RABEP2: variants seen among roughly 807,000 people sequenced by gnomAD.
RABEP2 encodes rabaptin, RAB GTPase binding effector protein 2, also known as rab GTPase-binding effector protein 2.
In RABEP2, 57 loss-of-function variants were observed where a neutral mutation model predicts 74.1. That is an observed-to-expected ratio of 0.77 (90% CI 0.62 to 0.96). The LOEUF is 0.96. RABEP2 is among the 40% of genes least tolerant of loss of function. The pLI is 0.00. For synonymous variants in RABEP2, 351 were observed against 344.0 expected (o/e 1.02, Z -0.23); for missense variants, 692 against 756.3 (o/e 0.91, Z 1.00).
rs1163826105 is a variant in RABEP2, at chr16:28,913,778, CTTT to C, written c.894+455_894+457del. On this transcript the variant is annotated intron_variant, in intron 5 of 12. Coordinates refer to ENST00000358201, the MANE Select transcript of RABEP2 (RefSeq NM_024816.3). The stretch of plus-strand genomic sequence containing the variant: ...AGGCATGAACCACCGCACCCGGCCT[CTTT>C]TTTTTTTTTTTTTTTTTTGAGACAG... 5.8e-5 allele frequency among the ~76,000 whole-genome samples: 7 copies of C among 120,440 alleles called. No individual in the cohort carries two copies. The South Asian group carries it at 1.1e-3, about 18-fold the overall frequency. 79.0% of individuals were successfully genotyped at this position (120,440 alleles called of 152,430 possible). A position where few individuals can be genotyped will look rare whatever the true frequency, so the allele number is the denominator to read the frequency against.
At chr16:28,921,558 G>A (rs1318931798) in intron 2 of RABEP2, among the ~76,000 whole-genome samples, 1 of 151,974 alleles carries the variant, frequency 6.6e-6, no homozygotes, top group African/African-American at 2.4e-5. Context: ...GCAGTGGGTG[G>A]CTCCCAGGGC....
intron 12 of RABEP2, 147 bp downstream of exon 12, chr16:28,905,250 G>GT: frequency 1.4e-6 from 1 of 702,450 alleles, no homozygotes; most frequent in Non-Finnish European, 2.4e-6. Context: ...GAGTTTCAGG[G>GT]TTTTTTGAGT....
chr16:28,924,710 C>G, intron 1 of RABEP2, 95 bp from the exon 2 acceptor site: 2 of 1,158,978 alleles, frequency 1.7e-6, no homozygotes, highest in Non-Finnish European at 2.5e-6. Flanking sequence ...TTGCCTTCAT[C>G]TGGGGCCTCC....
In RABEP2 at chr16:28,904,805, T is replaced by C; in HGVS notation, c.*138A>G. ...GAGGAGGCGCTGGAGGGCGGGGCGG[T>C]GGTGGCCCCCGTCAGTCCCCTCAAC... On this transcript the variant is annotated 3_prime_UTR_variant, in exon 13 of 13. Transcript: ENST00000358201. 2.8e-6 allele frequency: 2 copies of C among 711,112 alleles called. No individual in the cohort carries two copies. Among genetic ancestry groups the C allele is most frequent in the South Asian group, 3.8e-5 (2 of 53,128 alleles). 44.1% of individuals were successfully genotyped at this position (711,112 alleles called of 1,614,324 possible). A position where few individuals can be genotyped will look rare whatever the true frequency, so the allele number is the denominator to read the frequency against.
chr16:28,905,632 C>T (rs1180595496), intron 11 of RABEP2, 72 bp downstream of exon 11: 17 of 675,366 alleles, frequency 2.5e-5, no homozygotes, highest in East Asian at 6.7e-5. Flanking sequence ...ACACAGAGGG[C>T]GGGAGGGGTG....
At chr16:28,912,119 G>C (rs940456623) in intron 5 of RABEP2, among the ~76,000 whole-genome samples, 1 of 150,780 alleles carries the variant, frequency 6.6e-6, no homozygotes, top group Non-Finnish European at 1.5e-5. Flanking sequence ...GGTGGCAGGC[G>C]CCTGTAGTCC....
intron 8 of RABEP2, among the ~76,000 whole-genome samples, chr16:28,906,838 A>G (rs767442049): frequency 1.4e-4 from 21 of 152,130 alleles, no homozygotes; most frequent in Non-Finnish European, 2.9e-5. Flanking sequence ...CGGCGCCTGT[A>G]ATCCCAGCTA....
Position 28,906,170 on chromosome 16 carries a change from C to A in RABEP2, c.1272G>T (p.Thr424=). 1 of 1,591,372 alleles carries A rather than the reference C, an allele frequency of 6.3e-7. No individual in the cohort carries two copies. Among genetic ancestry groups the A allele is most frequent in the African/African-American group, 1.3e-5 (1 of 74,862 alleles). ...VPELQQLLCC[T]RQEARARLQA... ...GCAGCCGGGCCCTCGCCTCTTGCCG[C>A]GTGCAGCACAGCAGCTGCTGCAGCT... Residue 424 remains threonine (T), a synonymous_variant, in exon 9 of 13, where the codon ACG becomes ACT. Transcript: ENST00000358201.
intron 8 of RABEP2, among the ~76,000 whole-genome samples, 176 bp from the exon 9 acceptor site, chr16:28,906,372 C>G (rs571891035): frequency 1.3e-5 from 2 of 152,302 alleles, no homozygotes; most frequent in East Asian, 3.9e-4. Context: ...CAGGTGCGCT[C>G]CGGCCCAGGA....
Position 28,914,335 on chromosome 16 carries a change from C to T in RABEP2, c.795G>A (p.Ser265=), listed in dbSNP as rs987843886. The change falls in exon 5 of 13, where the codon TCG becomes TCA. Residue 265 remains serine, a synonymous_variant. Coordinates refer to ENST00000358201, the MANE Select transcript of RABEP2 (RefSeq NM_024816.3). ...GLSPEQEETA[S]LVSTGTLVPE... ...GAACCAGGGTGCCCGTAGACACCAG[C>T]GAGGCCGTCTCTTCCTGTTCAGGGC... 3.7e-6 allele frequency: 6 copies of T among 1,613,362 alleles called. No individual in the cohort carries two copies. The highest frequency in any genetic ancestry group is 1.1e-5 in the South Asian group (1 of 91,062).
intron 3 of RABEP2, among the ~76,000 whole-genome samples, chr16:28,918,493 T>A (rs1374297679): frequency 6.6e-6 from 1 of 151,768 alleles, no homozygotes; most frequent in Non-Finnish European, 1.5e-5. Flanking sequence ...CAGGTGCCTG[T>A]AATTCCAGCT....
At position 28,919,656 on chromosome 16, in the gene RABEP2, C is replaced by T. The variant is rs1370923231; in HGVS notation, c.432+130G>A. ...CACAGAGCCAAGCTCTCAACAACAC[C>T]TGGTAACTCTGTGCTATTCCTAGAA... is the stretch of plus-strand genomic sequence containing the variant. On this transcript the variant is annotated intron_variant, in intron 3 of 12. Coordinates refer to ENST00000358201, the MANE Select transcript of RABEP2 (RefSeq NM_024816.3). 3.6e-6 allele frequency: 4 copies of T among 1,112,562 alleles called. No homozygotes were observed. The Admixed American group carries it at 9.6e-5, about 27-fold the overall frequency. The allele number at this position is 1,112,562 out of a possible 1,614,324, so 68.9% of individuals were successfully genotyped here. A position where few individuals can be genotyped will look rare whatever the true frequency, so the allele number is the denominator to read the frequency against.
chr16:28,907,162 G>GTTT (rs58982936), intron 8 of RABEP2, among the ~76,000 whole-genome samples: 24 of 127,920 alleles, frequency 1.9e-4, no homozygotes, highest in South Asian at 4.9e-4. Flanking sequence ...TTTTGCCTTT[G>GTTT]TTTTTTTTTT....
chr16:28,904,508 T>C lies in RABEP2; in HGVS notation c.*435A>G. ...AGCTTGGAGGCCTGGGTCGCCGCTGTGGACAAGCGTCTTAGTGTCATGCAG... is the reference window on the plus strand; with the variant it reads ...AGCTTGGAGGCCTGGGTCGCCGCTGCGGACAAGCGTCTTAGTGTCATGCAG... On this transcript the variant is annotated 3_prime_UTR_variant, in exon 13 of 13. Coordinates refer to ENST00000358201, the MANE Select transcript of RABEP2 (RefSeq NM_024816.3). 2 of 1,476,350 alleles carry C rather than the reference T, an allele frequency of 1.4e-6. No individual in the cohort carries two copies. Among genetic ancestry groups the C allele is most frequent in the South Asian group, 1.2e-5 (1 of 82,646 alleles). The allele number at this position is 1,476,350 out of a possible 1,614,324, so 91.5% of individuals were successfully genotyped here.
intron 5 of RABEP2, among the ~76,000 whole-genome samples, chr16:28,911,552 T>C (rs1037540946): frequency 3.3e-5 from 5 of 150,752 alleles, no homozygotes; most frequent in Non-Finnish European, 4.4e-5. Flanking sequence ...TAATCTCAGC[T>C]ACTCGGGAAA....
At chr16:28,915,987 G>GC (rs1964387930) in intron 3 of RABEP2, among the ~76,000 whole-genome samples, 1 of 151,550 alleles carries the variant, frequency 6.6e-6, no homozygotes, top group African/African-American at 2.4e-5. Context: ...TTACAGATGC[G>GC]TGCCACCACG....
At position 28,904,937 on chromosome 16, in the gene RABEP2, G is replaced by A. The variant is rs1374464325; in HGVS notation, c.*6C>T. ...CCCAGGGTGGGGGTGGGGATATCCT[G>A]ACCCCTCAGGTGTCCTTGATGTCCC... On this transcript the variant is annotated 3_prime_UTR_variant, in exon 13 of 13. Coordinates refer to ENST00000358201, the MANE Select transcript of RABEP2 (RefSeq NM_024816.3). 1.2e-6 allele frequency: 2 copies of A among 1,604,254 alleles called. No individual in the cohort carries two copies. The highest frequency in any genetic ancestry group is 3.3e-5 in the Admixed American group (2 of 59,814).
chr16:28,906,949 ACT>A (rs780158911), intron 8 of RABEP2, among the ~76,000 whole-genome samples: 34 of 152,008 alleles, frequency 2.2e-4, no homozygotes, highest in Non-Finnish European at 1.9e-4. Flanking sequence ...ACAGAGCGAG[ACT>A]CTGTCTCAAA....
At chr16:28,912,898 C>T (rs1348873632) in intron 5 of RABEP2, among the ~76,000 whole-genome samples, 1 of 152,170 alleles carries the variant, frequency 6.6e-6, no homozygotes, top group East Asian at 1.9e-4. Context: ...CTCAGACACA[C>T]TGTGGTCTCT....
Sources: gnomAD v4.1 joint callset for allele counts (sites outside exome capture counted in the v4.1 genomes callset) on GRCh38, gnomAD v4.1.1 for gene constraint, MANE v1.5 for transcripts, NCBI Gene and HGNC (gene_info 2026-07-23, HGNC 2026-07-21) for gene names.